MAGEB6: variants seen among roughly 807,000 people sequenced by gnomAD.
MAGEB6 encodes the protein MAGE family member B6, also known as melanoma-associated antigen B6.
For missense variants in MAGEB6, 327 were observed against 329.7 expected, an observed-to-expected ratio of 0.99 and a Z score of 0.06; for synonymous variants, 128 against 136.2, an observed-to-expected ratio of 0.94 and a Z score of 0.42.
Position 26,194,526 on chromosome X carries a change from G to A in MAGEB6, c.680G>A (p.Arg227Lys), listed in dbSNP as rs201604663. ...GCAGACATGCTGAAGTGTGTCCGCA[G>A]AGAGTACAAGCCCTACTTCCCTCAG... Reference protein sequence around the residue: ...LKADMLKCVRREYKPYFPQIL... With the variant: ...LKADMLKCVRKEYKPYFPQIL... Residue 227 changes from arginine (R) to lysine (K), a missense_variant, in exon 2 of 2, where the codon AGA becomes AAA. Coordinates refer to ENST00000379034, the MANE Select transcript of MAGEB6 (RefSeq NM_173523.2). 50 of 1,210,041 alleles carry A rather than the reference G, an allele frequency of 4.1e-5. No individual in the cohort carries two copies. The highest frequency in any genetic ancestry group is 1.7e-4 in the Admixed American group (8 of 45,769).
chrX:26,194,415 T>C lies in MAGEB6; in HGVS notation c.569T>C (p.Leu190Ser). 1 of 1,211,790 alleles carries C rather than the reference T, an allele frequency of 8.3e-7. No homozygotes were observed. The highest frequency in any genetic ancestry group is 3.0e-5 in the East Asian group (1 of 33,838). ...CAGAAAGCCATCATTTTTAAGCGCT[T>C]AAGCAAAGATGCTGTAAAGAAGAAG... ...ASQKAIIFKRLSKDAVKKKAC... is the reference protein window; with the variant it reads ...ASQKAIIFKRSSKDAVKKKAC... The change falls in exon 2 of 2, where the codon TTA becomes TCA. Residue 190 changes from leucine (L) to serine (S), a missense_variant. Leu to Ser is a moderately radical substitution (Grantham distance 145). Coordinates refer to ENST00000379034, the MANE Select transcript of MAGEB6 (RefSeq NM_173523.2).
chrX:26,194,228 G>A lies in MAGEB6; in HGVS notation c.382G>A (p.Ala128Thr). ...TTCAGGCTCAAAATATGATGTGGCT[G>A]CCAACGGCCAAGATGAGAAAAGTCC... Reference protein sequence around the residue: ...GVSGSKYDVAANGQDEKSPST... With the variant: ...GVSGSKYDVATNGQDEKSPST... The change falls in exon 2 of 2, where the codon GCC becomes ACC. Residue 128 changes from alanine (A) to threonine (T), a missense_variant. By Grantham distance (58) the Ala-to-Thr change is moderately conservative (BLOSUM62 0). Transcript: ENST00000379034. The A allele has an allele frequency of 8.3e-7, 1 of 1,198,850 alleles. No individual in the cohort carries two copies. The highest frequency in any genetic ancestry group is 1.1e-6 in the Non-Finnish European group (1 of 889,246).
rs1328367920 is a variant in MAGEB6 at position 26,194,452 on chromosome X, G to A, written c.606G>A (p.Leu202=). The A allele has an allele frequency of 6.6e-6, 8 of 1,210,579 alleles. No individual in the cohort carries two copies. The highest frequency in any genetic ancestry group is 8.9e-6 in the Non-Finnish European group (8 of 895,441). The change falls in exon 2 of 2, where the codon TTG becomes TTA. Residue 202 remains leucine (L), a synonymous_variant. Transcript: ENST00000379034. ...CTGTAAAGAAGAAGGCGTGCACGTT[G>A]GCGCAATTCCTGCAGAAGAAGTTTG... The part of the protein sequence containing the change: ...KDAVKKKACT[L]AQFLQKKFEK...
intron 1 of MAGEB6, among the ~76,000 whole-genome samples, chrX:26,193,382 TC>T (rs1463204682): frequency 2.4e-5 from 2 of 85,105 alleles, no homozygotes; most frequent in African/African-American, 9.3e-5. Flanking sequence ...AGTGTGATGT[TC>T]CCCTTCCTGT....
chrX:26,194,455 G>C lies in MAGEB6; in HGVS notation c.609G>C (p.Ala203=). The part of the protein sequence containing the change: ...DAVKKKACTL[A]QFLQKKFEKK... ...TAAAGAAGAAGGCGTGCACGTTGGCGCAATTCCTGCAGAAGAAGTTTGAGA... is the reference window on the plus strand; with the variant it reads ...TAAAGAAGAAGGCGTGCACGTTGGCCCAATTCCTGCAGAAGAAGTTTGAGA... The change falls in exon 2 of 2, where the codon GCG becomes GCC. Residue 203 remains alanine (A), a synonymous_variant. Transcript: ENST00000379034. 7 of 1,212,009 alleles carry C rather than the reference G, an allele frequency of 5.8e-6. No individual in the cohort carries two copies. The highest frequency in any genetic ancestry group is 7.8e-6 in the Non-Finnish European group (7 of 895,602).
At position 26,195,274 on chromosome X, in the gene MAGEB6, TTA is replaced by T. The variant is rs1159208694; in HGVS notation, c.*206_*207del. On this transcript the variant is annotated 3_prime_UTR_variant, in exon 2 of 2. Coordinates refer to ENST00000379034, the MANE Select transcript of MAGEB6 (RefSeq NM_173523.2). Reference sequence around the variant, plus strand: ...TGTTACACATGAGTAACTTGCAGATTTATGTTTTATCTCTGTCAGTTATCAAC... The same window carrying T: ...TGTTACACATGAGTAACTTGCAGATTTGTTTTATCTCTGTCAGTTATCAAC... 14 of 404,256 alleles carry T rather than the reference TTA, an allele frequency of 3.5e-5. No individual in the cohort carries two copies. Among genetic ancestry groups the T allele is most frequent in the South Asian group, 7.4e-5 (1 of 13,458 alleles). The allele number at this position is 404,256 out of a possible 1,213,427, so 33.3% of individuals were successfully genotyped here. A position where few individuals can be genotyped will look rare whatever the true frequency, so the allele number is the denominator to read the frequency against.
Position 26,195,087 on chromosome X carries a change from T to G in MAGEB6, c.*17T>G. The G allele has an allele frequency of 8.3e-7, 1 of 1,198,690 alleles. No homozygotes were observed. Among genetic ancestry groups the G allele is most frequent in the South Asian group, 1.8e-5 (1 of 54,862 alleles). Reference sequence around the variant, plus strand: ...AGAGCTTAAGGCAGGGCTGGCACTATTTCCTTGGCCAGGGTACCTTATGGG... The same window carrying G: ...AGAGCTTAAGGCAGGGCTGGCACTAGTTCCTTGGCCAGGGTACCTTATGGG... On this transcript the variant is annotated 3_prime_UTR_variant, in exon 2 of 2. Transcript: ENST00000379034.
chrX:26,194,308 T>G lies in MAGEB6; in HGVS notation c.462T>G (p.Thr154=). The stretch of plus-strand genomic sequence containing the variant: ...AGGAGTCTCAGGGAGCTTCACCCAC[T>G]GGCTCGCCTGATGCAGGTGTTTCAG... ...VPQESQGASP[T]GSPDAGVSGS... is the part of the protein sequence containing the mutation. Residue 154 remains threonine, a synonymous_variant, in exon 2 of 2, where the codon ACT becomes ACG. Coordinates refer to ENST00000379034, the MANE Select transcript of MAGEB6 (RefSeq NM_173523.2). 1 of 1,210,762 alleles carries G rather than the reference T, an allele frequency of 8.3e-7. No individual in the cohort carries two copies. The highest frequency in any genetic ancestry group is 1.1e-6 in the Non-Finnish European group (1 of 895,469).
Position 26,193,804 on chromosome X carries a change from T to G in MAGEB6, c.-43T>G. On this transcript the variant is annotated 5_prime_UTR_variant, in exon 2 of 2. Coordinates refer to ENST00000379034, the MANE Select transcript of MAGEB6 (RefSeq NM_173523.2). ...CATCCAGGTGCCAGCCTTCCTAGTCTTCCTACCCACACTCCTACCTGCTGT... is the reference window on the plus strand; with the variant it reads ...CATCCAGGTGCCAGCCTTCCTAGTCGTCCTACCCACACTCCTACCTGCTGT... 1 of 1,139,375 alleles carries G rather than the reference T, an allele frequency of 8.8e-7. No individual in the cohort carries two copies. Among genetic ancestry groups the G allele is most frequent in the Non-Finnish European group, 1.2e-6 (1 of 861,281 alleles). 93.9% of individuals were successfully genotyped at this position (1,139,375 alleles called of 1,213,427 possible).
rs1465040890 is a variant in MAGEB6, at chrX:26,195,331, G to T, written c.*261G>T. ...TTCCTGTTAAGTGAAGGTTTATTTTGCTTCAGATTATACAATTATCAATAA... is the reference window on the plus strand; with the variant it reads ...TTCCTGTTAAGTGAAGGTTTATTTTTCTTCAGATTATACAATTATCAATAA... On this transcript the variant is annotated 3_prime_UTR_variant, in exon 2 of 2. Coordinates refer to ENST00000379034, the MANE Select transcript of MAGEB6 (RefSeq NM_173523.2). 4 of 327,988 alleles carry T rather than the reference G, an allele frequency of 1.2e-5. No homozygotes were observed. Among genetic ancestry groups the T allele is most frequent in the Non-Finnish European group, 1.6e-5 (3 of 183,373 alleles). The allele number at this position is 327,988 out of a possible 1,213,427, so 27.0% of individuals were successfully genotyped here.
intron 1 of MAGEB6, among the ~76,000 whole-genome samples, chrX:26,192,886 G>A (rs1354114296): frequency 9.0e-6 from 1 of 111,474 alleles, no homozygotes. Context: ...AGAGACTGAG[G>A]TGCATTCTCA....
chrX:26,193,201 T>G (rs1300322632), intron 1 of MAGEB6, among the ~76,000 whole-genome samples: 3 of 110,675 alleles, frequency 2.7e-5, no homozygotes, highest in Non-Finnish European at 5.7e-5. Context: ...TCAACAATTT[T>G]TTTTTTATTA....
Position 26,194,133 on chromosome X carries a change from CCTCCCG to C in MAGEB6, c.288_293del (p.Ser97_Arg98del). ...GGCCAAGATGAGAAAAGTCCAAGCA[CCTCCCG>C]TGATGCCTCCGTTCCTCAGGAGTCT... On this transcript the variant is annotated inframe_deletion, in exon 2 of 2. Transcript: ENST00000379034. 6.0e-6 allele frequency: 7 copies of C among 1,174,103 alleles called. 2 individuals carry two copies. Among genetic ancestry groups the C allele is most frequent in the Admixed American group, 4.5e-5 (2 of 44,548 alleles).
Position 26,193,854 on chromosome X carries a change from G to A in MAGEB6, c.8G>A (p.Arg3Gln), listed in dbSNP as rs770333290. 9 of 1,157,801 alleles carry A rather than the reference G, an allele frequency of 7.8e-6. No individual in the cohort carries two copies. The Admixed American group carries it at 1.6e-4, about 20-fold the overall frequency. The change falls in exon 2 of 2, where the codon CGG becomes CAG. Residue 3 changes from arginine to glutamine, a missense_variant. Coordinates refer to ENST00000379034, the MANE Select transcript of MAGEB6 (RefSeq NM_173523.2). MP[R>Q]GHKSKLRTCE... ...TCACAGGCCACAGCCATCATGCCTC[G>A]GGGTCACAAGAGTAAGCTCCGTACC...
chrX:26,194,805 T>A lies in MAGEB6; in HGVS notation c.959T>A (p.Ile320Asn). ...GGTCTGTTGGGGATATATGATGGGA[T>A]CCTGCATTCAATCTATGGGGATGCT... ...FLGLLGIYDGILHSIYGDARK... is the reference protein window; with the variant it reads ...FLGLLGIYDGNLHSIYGDARK... The change falls in exon 2 of 2, where the codon ATC becomes AAC. Residue 320 changes from isoleucine to asparagine, a missense_variant. Physicochemically the swap from Ile to Asn is moderately radical, Grantham distance 149. Transcript: ENST00000379034. 5.8e-6 allele frequency: 7 copies of A among 1,211,018 alleles called. No individual in the cohort carries two copies. The highest frequency in any genetic ancestry group is 7.8e-6 in the Non-Finnish European group (7 of 895,380).
Position 26,194,123 on chromosome X carries a change from AG to A in MAGEB6, c.278del (p.Ser93IlefsTer86). Reference protein sequence around the residue: ...DVAANGQDEKSPSTSRDASVP... With the variant: ...DVAANGQDEKXPSTSRDASVP... Reference sequence around the variant, plus strand: ...GGCTGCCAACGGCCAAGATGAGAAAAGTCCAAGCACCTCCCGTGATGCCTCC... The same window carrying A: ...GGCTGCCAACGGCCAAGATGAGAAAATCCAAGCACCTCCCGTGATGCCTCC... On this transcript the variant is annotated frameshift_variant, in exon 2 of 2. Transcript: ENST00000379034. LOFTEE classifies it low-confidence loss of function (END_TRUNC). 1.7e-6 allele frequency: 2 copies of A among 1,196,578 alleles called. No individual in the cohort carries two copies. Among genetic ancestry groups the A allele is most frequent in the East Asian group, 3.0e-5 (1 of 33,189 alleles).
chrX:26,193,207 T>A lies in MAGEB6; in HGVS notation c.-61-579T>A, dbSNP rs866577357. Among the ~76,000 whole-genome samples the A allele has an allele frequency of 2.0e-4, 22 of 107,365 alleles. No homozygotes were observed. The Admixed American group carries it at 2.2e-3, about 11-fold the overall frequency. 93.2% of individuals were successfully genotyped at this position (107,365 alleles called of 115,157 possible). A position where few individuals can be genotyped will look rare whatever the true frequency, so the allele number is the denominator to read the frequency against. ...TGGGTCTTGTCAACAATTTTTTTTT[T>A]ATTATACTTTAAGTTTTAGGGTACA... On this transcript the variant is annotated intron_variant, in intron 1 of 1. Coordinates refer to ENST00000379034, the MANE Select transcript of MAGEB6 (RefSeq NM_173523.2).
rs1426793113 is a variant in MAGEB6, at chrX:26,195,193, T to C, written c.*123T>C. ...TTATGTTAGAAGAGAGTAGTGAGCTTTCTAAGTAGTGCAGTATAGTAGAGG... is the reference window on the plus strand; with the variant it reads ...TTATGTTAGAAGAGAGTAGTGAGCTCTCTAAGTAGTGCAGTATAGTAGAGG... On this transcript the variant is annotated 3_prime_UTR_variant, in exon 2 of 2. Transcript: ENST00000379034. 1.2e-6 allele frequency: 1 copy of C among 844,332 alleles called. No homozygotes were observed. The highest frequency in any genetic ancestry group is 1.7e-6 in the Non-Finnish European group (1 of 595,705). The allele number at this position is 844,332 out of a possible 1,213,427, so 69.6% of individuals were successfully genotyped here.
rs1224349178 is a variant in MAGEB6 at position 26,195,244 on chromosome X, T to G, written c.*174T>G. ...CTGGAGGGAACAAGATATGTATCTT[T>G]CTTTTGTTACACATGAGTAACTTGC... On this transcript the variant is annotated 3_prime_UTR_variant, in exon 2 of 2. Coordinates refer to ENST00000379034, the MANE Select transcript of MAGEB6 (RefSeq NM_173523.2). 1 of 433,348 alleles carries G rather than the reference T, an allele frequency of 2.3e-6. No individual in the cohort carries two copies. Among genetic ancestry groups the G allele is most frequent in the African/African-American group, 5.0e-5 (1 of 19,852 alleles). 35.7% of individuals were successfully genotyped at this position (433,348 alleles called of 1,213,427 possible).
Sources: allele counts gnomAD v4.1 joint callset (sites outside exome capture counted in the v4.1 genomes callset), GRCh38; gene constraint gnomAD v4.1.1; transcripts MANE v1.5; gene names NCBI Gene and HGNC (gene_info 2026-07-23, HGNC 2026-07-21).